Variants in ZNF510 observed in about 807,000 individuals in gnomAD.
ZNF510 encodes the protein zinc finger protein 510.
Under a neutral mutation model 18.1 loss-of-function variants are expected in ZNF510, and 15 were observed. The observed-to-expected ratio is 0.83, with a 90% CI of 0.55 to 1.28. The LOEUF (loss-of-function observed/expected upper bound fraction) is 1.28. ZNF510 is among the 50% of genes most tolerant of loss of function. The pLI is 0.00. For synonymous variants in ZNF510, 261 were observed against 266.4 expected, an observed-to-expected ratio of 0.98 and a Z score of 0.20; for missense variants, 724 against 791.8, an observed-to-expected ratio of 0.91 and a Z score of 1.03.
chr9:96,777,830 T>C (rs1701375391), intron 1 of ZNF510: 1 of 152,222 alleles, frequency 6.6e-6, no homozygotes, highest in African/African-American at 2.4e-5. Context: ...ACCGAGCATC[T>C]TCCAACTAGG....
rs974498904 is a variant in ZNF510, at chr9:96,758,077, T to C, written c.*701A>G. 2.0e-5 allele frequency: 3 copies of C among 152,174 alleles called. No homozygotes were observed. The highest frequency in any genetic ancestry group is 7.2e-5 in the African/African-American group (3 of 41,432). 9.4% of individuals were successfully genotyped at this position (152,174 alleles called of 1,614,324 possible). ...TCCATTTAATAACTTTAAAGTACAGTTGACCATGGTTAATGGAAATTGCGT... is the reference window on the plus strand; with the variant it reads ...TCCATTTAATAACTTTAAAGTACAGCTGACCATGGTTAATGGAAATTGCGT... On this transcript the variant is annotated 3_prime_UTR_variant, in exon 6 of 6. Transcript: ENST00000223428.
chr9:96,777,195 C>CA (rs1849720887), intron 1 of ZNF510, among the ~76,000 whole-genome samples: 1 of 152,128 alleles, frequency 6.6e-6, no homozygotes, highest in Non-Finnish European at 1.5e-5. Context: ...GGAGACATCC[C>CA]AGAAACCCCA....
chr9:96,777,853 C>T (rs1849738657), intron 1 of ZNF510, 181 bp downstream of exon 1: 1 of 152,292 alleles, frequency 6.6e-6, no homozygotes, highest in Non-Finnish European at 1.5e-5. Context: ...TCAGCCCCAC[C>T]TAACGCCCCC....
chr9:96,770,224 T>C (rs1023956751), intron 3 of ZNF510, among the ~76,000 whole-genome samples: 3 of 152,008 alleles, frequency 2.0e-5, no homozygotes, highest in African/African-American at 7.2e-5. Flanking sequence ...TATTATTCAG[T>C]CACAAAAAGG....
rs201956892 is a variant in ZNF510, at chr9:96,763,515, C to T, written c.247G>A (p.Val83Ile). Residue 83 changes from valine to isoleucine, a missense_variant, in exon 4 of 6, where the codon GTC becomes ATC. Val to Ile is a conservative substitution (Grantham distance 29). Coordinates refer to ENST00000223428, the MANE Select transcript of ZNF510 (RefSeq NM_014930.3). ...ATGTTTACATGCTTACCCACTGAGA[C>T]GAGGTTGCTGTAGTTCTCCAGCATC... ...DVMLENYSNL[V>I]SVGYCCFKPE... 77 of 1,606,110 alleles carry T rather than the reference C, an allele frequency of 4.8e-5. No homozygotes were observed. The highest frequency in any genetic ancestry group is 1.7e-4 in the Middle Eastern group (1 of 6,040).
chr9:96,764,644 TAAAG>T (rs1849429162), intron 3 of ZNF510, among the ~76,000 whole-genome samples: 1 of 152,028 alleles, frequency 6.6e-6, no homozygotes, highest in South Asian at 2.1e-4. Context: ...ATAATAGTAT[TAAAG>T]AAAAGATAAA....
intron 3 of ZNF510, among the ~76,000 whole-genome samples, chr9:96,768,269 C>T (rs1329380403): frequency 6.6e-6 from 1 of 150,968 alleles, no homozygotes; most frequent in African/African-American, 2.5e-5. Flanking sequence ...ATACGCTAGG[C>T]TAAAAAACAA....
intron 5 of ZNF510, 37 bp from the exon 6 acceptor site, chr9:96,760,514 A>G: frequency 1.3e-6 from 2 of 1,534,644 alleles, no homozygotes; most frequent in Non-Finnish European, 1.7e-6. Context: ...TATGACTCTT[A>G]CATCTTCTGT....
chr9:96,775,215 A>G (rs189487138), intron 2 of ZNF510, among the ~76,000 whole-genome samples: 108 of 152,062 alleles, frequency 7.1e-4, no homozygotes, highest in Middle Eastern at 3.4e-3. Flanking sequence ...ACCCACCACT[A>G]CACCCAGCTA....
At chr9:96,772,990 G>A (rs1317567872) in intron 3 of ZNF510, among the ~76,000 whole-genome samples, 2 of 148,390 alleles carry the variant, frequency 1.3e-5, no homozygotes, top group Admixed American at 1.3e-4. Flanking sequence ...GGAGAATGAG[G>A]AAATAAATTA....
At chr9:96,770,181 G>C (rs73554354) in intron 3 of ZNF510, among the ~76,000 whole-genome samples, 4,498 of 152,248 alleles carry the variant, frequency 0.03, 243 homozygotes, top group African/African-American at 0.1. Context: ...TCAGTTGAAT[G>C]AATAAACAAT....
At chr9:96,770,951 C>T (rs1226809579) in intron 3 of ZNF510, among the ~76,000 whole-genome samples, 4 of 152,062 alleles carry the variant, frequency 2.6e-5, no homozygotes, top group Non-Finnish European at 4.4e-5. Flanking sequence ...ATAAGTAGCA[C>T]GATTTGGATT....
chr9:96,775,884 T>C, intron 2 of ZNF510, 116 bp downstream of exon 2: 1 of 1,344,192 alleles, frequency 7.4e-7, no homozygotes, highest in Non-Finnish European at 1.0e-6. Flanking sequence ...TTAGAGACAA[T>C]TTCCTCAGCC....
chr9:96,770,020 A>G (rs962680490), intron 3 of ZNF510, among the ~76,000 whole-genome samples: 1 of 152,218 alleles, frequency 6.6e-6, no homozygotes, highest in African/African-American at 2.4e-5. Context: ...GTTACCAAAA[A>G]AGATAAGTCA....
At chr9:96,776,615 A>C (rs1230823694) in intron 1 of ZNF510, among the ~76,000 whole-genome samples, 1 of 152,152 alleles carries the variant, frequency 6.6e-6, no homozygotes, top group Non-Finnish European at 1.5e-5. Flanking sequence ...CCTCTACTAA[A>C]AATACAAAAA....
At chr9:96,773,492 G>A (rs1336462457) in intron 3 of ZNF510, among the ~76,000 whole-genome samples, 1 of 151,944 alleles carries the variant, frequency 6.6e-6, no homozygotes, top group Non-Finnish European at 1.5e-5. Flanking sequence ...CTCATACAGA[G>A]GAAAGATGAT....
intron 3 of ZNF510, among the ~76,000 whole-genome samples, chr9:96,772,575 TTATA>T (rs1188277167): frequency 1.3e-5 from 2 of 152,158 alleles, no homozygotes; most frequent in African/African-American, 4.8e-5. Context: ...AATAGGTACT[TTATA>T]TATTACATAA....
At chr9:96,776,554 C>T (rs1012593280) in intron 1 of ZNF510, among the ~76,000 whole-genome samples, 1 of 152,212 alleles carries the variant, frequency 6.6e-6, no homozygotes, top group Non-Finnish European at 1.5e-5. Context: ...GCAGGTGGAT[C>T]ACCTGAGGTC....
intron 4 of ZNF510, 132 bp from the exon 5 acceptor site, chr9:96,763,345 C>T (rs1293722170): frequency 1.9e-5 from 24 of 1,265,794 alleles, no homozygotes; most frequent in Non-Finnish European, 2.3e-5. Flanking sequence ...GAGTTGACAA[C>T]ACATTCTTTC....
Sources: allele counts gnomAD v4.1 joint callset (sites outside exome capture counted in the v4.1 genomes callset), GRCh38; gene constraint gnomAD v4.1.1; transcripts MANE v1.5; gene names NCBI Gene and HGNC (gene_info 2026-07-23, HGNC 2026-07-21).